Variants in SLCO3A1 observed in about 807,000 individuals in gnomAD.
SLCO3A1 encodes the protein solute carrier organic anion transporter family member 3A1, also known as PGE1 transporter.
In SLCO3A1, 27 loss-of-function variants were observed where a neutral mutation model predicts 63.1. The ratio of observed to expected loss-of-function variants is 0.43; its 90% confidence interval spans 0.32 to 0.59. SLCO3A1 has a LOEUF of 0.59. Ranked by LOEUF, SLCO3A1 falls within the 20% of genes least tolerant of loss-of-function variation. SLCO3A1 has a pLI of 0.09. For missense variants in SLCO3A1, 773 were observed against 945.8 expected, an observed-to-expected ratio of 0.82 and a Z score of 2.40; for synonymous variants, 473 against 409.9, an observed-to-expected ratio of 1.15 and a Z score of -1.86.
chr15:92,101,424 G>A (rs558318468), intron 3 of SLCO3A1, among the ~76,000 whole-genome samples: 12 of 152,106 alleles, frequency 7.9e-5, no homozygotes, highest in African/African-American at 2.2e-4. Context: ...CAGGAGAATC[G>A]CTTGAACCCA....
intron 1 of SLCO3A1, among the ~76,000 whole-genome samples, chr15:91,888,379 C>G (rs1897780558): frequency 6.6e-6 from 1 of 152,172 alleles, no homozygotes; most frequent in Non-Finnish European, 1.5e-5. Context: ...TGCTGTTGCC[C>G]TTTGCTCTTC....
intron 8 of SLCO3A1, 35 bp downstream of exon 8, chr15:92,147,194 T>C: frequency 6.3e-7 from 1 of 1,585,676 alleles, no homozygotes; most frequent in Non-Finnish European, 8.6e-7. Context: ...TCTCCTCCTT[T>C]CCACCTGGTG....
chr15:92,141,151 C>T (rs1047318343), intron 7 of SLCO3A1, among the ~76,000 whole-genome samples: 4 of 152,098 alleles, frequency 2.6e-5, no homozygotes, highest in African/African-American at 9.7e-5. Context: ...ATCCCGCCAC[C>T]CCCCAAGTTT....
downstream of SLCO3A1, among the ~76,000 whole-genome samples, chr15:92,169,485 G>T (rs569434389): frequency 6.6e-6 from 1 of 152,226 alleles, no homozygotes; most frequent in African/African-American, 2.4e-5. Context: ...TGGCAGCTGG[G>T]CTCTGGGGCT....
At chr15:91,876,901 C>T (rs1306417640) in intron 1 of SLCO3A1, among the ~76,000 whole-genome samples, 2 of 152,246 alleles carry the variant, frequency 1.3e-5, no homozygotes, top group Admixed American at 6.5e-5. Flanking sequence ...TGCCCACACA[C>T]ACTAACCATC....
chr15:92,026,605 A>G (rs188490488), intron 2 of SLCO3A1, among the ~76,000 whole-genome samples: 121 of 152,324 alleles, frequency 7.9e-4, no homozygotes, highest in Non-Finnish European at 1.5e-3. Flanking sequence ...CGTTTTCTTC[A>G]GAGAATTTGA....
chr15:92,064,681 A>G (rs917939215), intron 2 of SLCO3A1, among the ~76,000 whole-genome samples: 5 of 152,248 alleles, frequency 3.3e-5, no homozygotes, highest in African/African-American at 1.2e-4. Context: ...ACACAATGGA[A>G]TATTATTCAG....
At chr15:92,049,079 A>G (rs2046925632) in intron 2 of SLCO3A1, among the ~76,000 whole-genome samples, 1 of 152,316 alleles carries the variant, frequency 6.6e-6, no homozygotes, top group East Asian at 1.9e-4. Flanking sequence ...GGCTGGTCTG[A>G]CGTCAAAACC....
intron 2 of SLCO3A1, among the ~76,000 whole-genome samples, chr15:92,032,261 A>G (rs72630492): frequency 0.15 from 23,020 of 151,916 alleles, 1,987 homozygotes; most frequent in East Asian, 0.41. Flanking sequence ...GCAGGGGGAG[A>G]ATGAGGGAGC....
At chr15:91,867,526 TAAAAC>T (rs926452106) in intron 1 of SLCO3A1, among the ~76,000 whole-genome samples, 33 of 151,472 alleles carry the variant, frequency 2.2e-4, no homozygotes, top group Non-Finnish European at 2.8e-4. Flanking sequence ...TTTTTTTAAA[TAAAAC>T]CACTTTTGCT....
chr15:91,883,236 G>A lies in SLCO3A1; in HGVS notation c.180+29148G>A, dbSNP rs1897639725. Among the ~76,000 whole-genome samples the A allele has an allele frequency of 6.6e-6, 1 of 152,190 alleles. No individual in the cohort carries two copies. The highest frequency in any genetic ancestry group is 1.5e-5 in the Non-Finnish European group (1 of 68,040). ...GGTCTGGGTTTCACTTACATCAGGT[G>A]CCCAGGAGTCTTCCTGTGTGAAGTC... On this transcript the variant is annotated intron_variant, in intron 1 of 9. Coordinates refer to ENST00000318445, the MANE Select transcript of SLCO3A1 (RefSeq NM_013272.4). The surrounding 1 kb of genome is among the most constrained non-coding windows in gnomAD (Gnocchi z 4.8).
intron 2 of SLCO3A1, among the ~76,000 whole-genome samples, chr15:91,961,776 T>G (rs1232888975): frequency 6.6e-6 from 1 of 152,224 alleles, no homozygotes; most frequent in African/African-American, 2.4e-5. Context: ...TAAAATACAT[T>G]TATTTACTTA....
rs141071392 is a variant in SLCO3A1, at chr15:92,081,204, A to G, written c.647-13677A>G. On this transcript the variant is annotated intron_variant, in intron 2 of 9. Coordinates refer to ENST00000318445, the MANE Select transcript of SLCO3A1 (RefSeq NM_013272.4). ...ACTAGAGTTTATTCATCCTGTCTATATTTTTGCACCCATTAACCATCCCCA... is the reference window on the plus strand; with the variant it reads ...ACTAGAGTTTATTCATCCTGTCTATGTTTTTGCACCCATTAACCATCCCCA... Among the ~76,000 whole-genome samples the G allele has an allele frequency of 2.0e-4, 31 of 151,942 alleles. No individual in the cohort carries two copies. In the East Asian group the frequency reaches 4.6e-3, roughly 23 times the overall value.
At chr15:92,087,495 C>T (rs2047419474) in intron 2 of SLCO3A1, among the ~76,000 whole-genome samples, 1 of 151,420 alleles carries the variant, frequency 6.6e-6, no homozygotes, top group South Asian at 2.1e-4. Flanking sequence ...AAAATGTTGC[C>T]TAGTACTTTT....
chr15:92,103,930 G>A (rs1031923926), intron 3 of SLCO3A1, among the ~76,000 whole-genome samples: 1 of 152,196 alleles, frequency 6.6e-6, no homozygotes, highest in Non-Finnish European at 1.5e-5. Flanking sequence ...ATCTACCTCT[G>A]AACAATAAAC....
In SLCO3A1 at chr15:92,033,842, T is replaced by C. The variant is rs1390416652; in HGVS notation, c.647-61039T>C. On this transcript the variant is annotated intron_variant, in intron 2 of 9. Transcript: ENST00000318445. This position sits in a 1 kb window ranked among gnomAD's most constrained non-coding sequence, Gnocchi z 4.5. ...AGGGAGTGAGGGACAAGCCGGGAGG[T>C]TATCTGGAGGAAAAACATTCCAGAC... Among the ~76,000 whole-genome samples, 1 of 151,840 alleles carries C rather than the reference T, an allele frequency of 6.6e-6. No individual in the cohort carries two copies. The highest frequency in any genetic ancestry group is 1.9e-4 in the East Asian group (1 of 5,162).
rs1896856631 is a variant in SLCO3A1, at chr15:91,854,352, G to C, written c.180+264G>C. ...GGGCAGGGGGTGCCGGGGGAGGAGA[G>C]GCGGCGGGCAGGTGGGCGTGAAACT... On this transcript the variant is annotated intron_variant, in intron 1 of 9. Transcript: ENST00000318445. This position sits in a 1 kb window ranked among gnomAD's most constrained non-coding sequence, Gnocchi z 6.4. The C allele has an allele frequency of 8.9e-7, 1 of 1,117,452 alleles. No homozygotes were observed. The highest frequency in any genetic ancestry group is 1.1e-6 in the Non-Finnish European group (1 of 913,710). The allele number at this position is 1,117,452 out of a possible 1,614,324, so 69.2% of individuals were successfully genotyped here. A position where few individuals can be genotyped will look rare whatever the true frequency, so the allele number is the denominator to read the frequency against.
At chr15:92,022,201 G>C (rs1483493008) in intron 2 of SLCO3A1, among the ~76,000 whole-genome samples, 3 of 152,226 alleles carry the variant, frequency 2.0e-5, no homozygotes, top group Admixed American at 6.5e-5. Flanking sequence ...TGGATATTTA[G>C]AGTTGCATTT....
At chr15:91,973,385 C>G (rs1464559751) in intron 2 of SLCO3A1, among the ~76,000 whole-genome samples, 2 of 152,188 alleles carry the variant, frequency 1.3e-5, no homozygotes, top group African/African-American at 4.8e-5. Context: ...AGAGGACACA[C>G]AGCTAGTAAG....
Sources: allele counts gnomAD v4.1 joint callset (sites outside exome capture counted in the v4.1 genomes callset), GRCh38; gene constraint gnomAD v4.1.1; non-coding constraint Gnocchi (gnomAD v3.1); transcripts MANE v1.5; gene names NCBI Gene and HGNC (gene_info 2026-07-23, HGNC 2026-07-21).